NSUN6: variants seen among roughly 807,000 people sequenced by gnomAD.
The protein encoded by NSUN6 is tRNA (cytosine(72)-C(5))-methyltransferase NSUN6.
NSUN6 carries 64 observed loss-of-function variants against 58.0 expected under a neutral mutation model. That is an observed-to-expected ratio of 1.10 (90% CI 0.90 to 1.36). The LOEUF is 1.36. NSUN6 is among the 40% of genes most tolerant of loss of function. NSUN6 has a pLI of 0.00. For missense variants in NSUN6, 701 were observed against 550.1 expected (o/e 1.27, Z -2.74); for synonymous variants, 231 against 193.9 (o/e 1.19, Z -1.59).
At chr10:18,644,618 C>G (rs1436163568) in intron 2 of NSUN6, among the ~76,000 whole-genome samples, 1 of 151,122 alleles carries the variant, frequency 6.6e-6, no homozygotes, top group Admixed American at 6.6e-5. Context: ...GGGTGGATCA[C>G]GAGGTCAGGA....
intron 3 of NSUN6, among the ~76,000 whole-genome samples, chr10:18,620,846 T>C (rs1428869243): frequency 6.6e-6 from 1 of 152,176 alleles, no homozygotes; most frequent in Non-Finnish European, 1.5e-5. Flanking sequence ...CACCATCACA[T>C]CTCACATATA....
chr10:18,653,278 A>G, upstream of NSUN6: 8 of 980,242 alleles, frequency 8.2e-6, no homozygotes, highest in Non-Finnish European at 9.7e-6. Context: ...AAGATGGATG[A>G]ACATCTCTAT....
At chr10:18,657,118 G>A (rs193189788), upstream of NSUN6, among the ~76,000 whole-genome samples, 23 of 152,058 alleles carry the variant, frequency 1.5e-4, no homozygotes, top group East Asian at 3.3e-3. Context: ...ATGAGCCACC[G>A]TGCCTCTCCT....
chr10:18,632,078 C>T (rs1466983634), intron 3 of NSUN6, among the ~76,000 whole-genome samples: 4 of 150,340 alleles, frequency 2.7e-5, no homozygotes, highest in Non-Finnish European at 5.9e-5. Context: ...TGGAACAGAA[C>T]AGAGCCCTCA....
chr10:18,603,972 A>G (rs994847148), intron 6 of NSUN6, among the ~76,000 whole-genome samples: 1 of 152,016 alleles, frequency 6.6e-6, no homozygotes, highest in Non-Finnish European at 1.5e-5. Flanking sequence ...TCACGAAGTC[A>G]AGAGATCGAG....
At chr10:18,569,621 C>T (rs572370567) in intron 8 of NSUN6, among the ~76,000 whole-genome samples, 2 of 150,628 alleles carry the variant, frequency 1.3e-5, no homozygotes, top group Non-Finnish European at 3.0e-5. Flanking sequence ...TACCAACCTC[C>T]ATTCCATTAC....
At chr10:18,644,905 C>T (rs2059498600) in intron 2 of NSUN6, among the ~76,000 whole-genome samples, 1 of 149,424 alleles carries the variant, frequency 6.7e-6, no homozygotes, top group African/African-American at 2.5e-5. Context: ...CTCCTGTAAT[C>T]CCAGCACTCT....
intron 3 of NSUN6, among the ~76,000 whole-genome samples, chr10:18,630,354 C>A (rs1176599334): frequency 6.7e-6 from 1 of 150,330 alleles, no homozygotes; most frequent in African/African-American, 2.4e-5. Flanking sequence ...ACTAGAAAAG[C>A]AAGAGCAAAC....
chr10:18,571,243 C>T (rs1293465170), intron 8 of NSUN6, among the ~76,000 whole-genome samples: 1 of 151,410 alleles, frequency 6.6e-6, no homozygotes, highest in African/African-American at 2.4e-5. Context: ...TCATTCCATT[C>T]CATTCTCCAT....
At chr10:18,562,026 G>A (rs551607091) in intron 8 of NSUN6, among the ~76,000 whole-genome samples, 1 of 150,906 alleles carries the variant, frequency 6.6e-6, no homozygotes, top group South Asian at 2.1e-4. Flanking sequence ...ATAATGGAAT[G>A]GAATGCGGAA....
chr10:18,555,906 A>AATGGAATG (rs1554850206), intron 8 of NSUN6, among the ~76,000 whole-genome samples: 1 of 140,502 alleles, frequency 7.1e-6, no homozygotes, highest in African/African-American at 2.7e-5. Flanking sequence ...AATGGAATGG[A>AATGGAATG]GAATGGAATG....
intron 10 of NSUN6, 53 bp from the exon 11 acceptor site, chr10:18,546,198 TG>T: frequency 1.7e-6 from 2 of 1,197,364 alleles, no homozygotes; most frequent in Non-Finnish European, 2.5e-6. Flanking sequence ...TTAGCAAGTA[TG>T]ACTGCTACAA....
intron 8 of NSUN6, among the ~76,000 whole-genome samples, chr10:18,557,463 G>A (rs1165147787): frequency 4.6e-5 from 7 of 150,894 alleles, no homozygotes; most frequent in Non-Finnish European, 7.4e-5. Context: ...AGAATGGAAT[G>A]GAATAGAGAA....
chr10:18,580,533 C>T (rs1323436348), intron 8 of NSUN6, among the ~76,000 whole-genome samples: 3 of 152,146 alleles, frequency 2.0e-5, no homozygotes, highest in Non-Finnish European at 4.4e-5. Context: ...CCACCCAGCC[C>T]CCATTCATAG....
At chr10:18,548,934 C>A (rs1361370098) in intron 9 of NSUN6, among the ~76,000 whole-genome samples, 2 of 152,162 alleles carry the variant, frequency 1.3e-5, no homozygotes, top group Non-Finnish European at 2.9e-5. Flanking sequence ...CACATTCTAG[C>A]CAGAATTTGG....
Position 18,548,105 on chromosome 10 carries a change from C to G in NSUN6, c.1197+7G>C, listed in dbSNP as rs776618848. 1.9e-6 allele frequency: 3 copies of G among 1,613,140 alleles called. No homozygotes were observed. In the African/African-American group the frequency reaches 4.0e-5, roughly 22 times the overall value. ...TATTACACAGAGAAAAATGAAATTA[C>G]TCCTACCTGGGGCTGAAGCTGAAGG... On this transcript the variant is annotated splice_region_variant and intron_variant, in intron 10 of 10. Transcript: ENST00000377304.
At chr10:18,578,824 C>T (rs1564750655) in intron 8 of NSUN6, among the ~76,000 whole-genome samples, 1 of 152,102 alleles carries the variant, frequency 6.6e-6, no homozygotes, top group Non-Finnish European at 1.5e-5. Context: ...TGATCTTGTA[C>T]CATGACGAAG....
At chr10:18,550,247 C>T (rs12569474) in intron 9 of NSUN6, among the ~76,000 whole-genome samples, 52,987 of 152,050 alleles carry the variant, frequency 0.35, 9,832 homozygotes, top group East Asian at 0.74. Flanking sequence ...AAGTGGGTTT[C>T]GGCTGTAACT....
chr10:18,615,405 A>C (rs2058375026), intron 4 of NSUN6, among the ~76,000 whole-genome samples: 2 of 152,228 alleles, frequency 1.3e-5, no homozygotes. Flanking sequence ...TGTTAAAATC[A>C]TGTAGATCAG....
Sources: allele counts gnomAD v4.1 joint callset (sites outside exome capture counted in the v4.1 genomes callset), GRCh38; gene constraint gnomAD v4.1.1; transcripts MANE v1.5; gene names NCBI Gene and HGNC (gene_info 2026-07-23, HGNC 2026-07-21).